The following OCA2 variants were observed in gnomAD, a reference collection of about 807,000 sequenced individuals.
The protein encoded by OCA2 is P protein.
A neutral mutation model predicts 100.2 loss-of-function variants in OCA2; 77 were observed. The ratio of observed to expected loss-of-function variants is 0.77; its 90% confidence interval spans 0.64 to 0.93. The LOEUF is 0.93. Ranked by LOEUF, OCA2 falls within the 40% of genes least tolerant of loss-of-function variation. The pLI, the probability that OCA2 is intolerant of heterozygous loss-of-function variation, is 0.00. For missense variants in OCA2, 1,062 were observed against 1,089.1 expected (o/e 0.98, Z 0.35); for synonymous variants, 432 against 439.2 (o/e 0.98, Z 0.21).
Position 27,989,679 on chromosome 15 carries a change from C to T in OCA2, c.1117-13G>A, listed in dbSNP as rs746528682. ...TCAGGCTGGGTCTCTGCAATCAAAG[C>T]ACAAATTTGCCAATTAATCCGTGCG... On this transcript the variant is annotated splice_polypyrimidine_tract_variant and intron_variant, in intron 10 of 23. Coordinates refer to ENST00000354638, the MANE Select transcript of OCA2 (RefSeq NM_000275.3). The T allele has an allele frequency of 5.6e-6, 9 of 1,613,844 alleles. No individual in the cohort carries two copies. In the South Asian group the frequency reaches 9.9e-5, roughly 18 times the overall value.
intron 23 of OCA2, among the ~76,000 whole-genome samples, chr15:27,784,237 T>A (rs1435159854): frequency 6.6e-6 from 1 of 152,088 alleles, no homozygotes; most frequent in East Asian, 1.9e-4. Flanking sequence ...TTGGTAAAAA[T>A]GCTCAGGCAA....
At chr15:27,901,083 T>C (rs767453982) in intron 19 of OCA2, among the ~76,000 whole-genome samples, 21 of 152,220 alleles carry the variant, frequency 1.4e-4, no homozygotes, top group Non-Finnish European at 2.8e-4. Flanking sequence ...GGAAGAGCAT[T>C]GGGATAGCTA....
chr15:27,719,544 A>G, the OCA2 span, among the ~76,000 whole-genome samples: 1 of 152,188 alleles, frequency 6.6e-6, no homozygotes, highest in Non-Finnish European at 1.5e-5. Flanking sequence ...TCATACACAC[A>G]TATATGCTGC....
chr15:27,901,467 C>A (rs1488692852), intron 19 of OCA2, among the ~76,000 whole-genome samples: 2 of 152,216 alleles, frequency 1.3e-5, no homozygotes, highest in African/African-American at 4.8e-5. Context: ...CTAGAGCTCC[C>A]ATCTCCCCTT....
In OCA2 at chr15:27,792,026, T is replaced by C. The variant is rs79734975; in HGVS notation, c.2433-36554A>G. Among the ~76,000 whole-genome samples, 202 of 152,284 alleles carry C rather than the reference T, an allele frequency of 1.3e-3. 4 individuals carry two copies. The East Asian group carries it at 0.035, about 26-fold the overall frequency. ...GGAGCCCAAGACTGTGTGTCTCCAC[T>C]TCCCATTGCCTCACAGCCTGCGGTG... On this transcript the variant is annotated intron_variant, in intron 23 of 23. Transcript: ENST00000354638.
At position 27,906,271 on chromosome 15, in the gene OCA2, C is replaced by G. The variant is rs371419011; in HGVS notation, c.2079+19856G>C. Reference sequence around the variant, plus strand: ...ATCATTACATATTGTATTATTGTATCAAAATATCACATGTCCCCCATAAAT... The same window carrying G: ...ATCATTACATATTGTATTATTGTATGAAAATATCACATGTCCCCCATAAAT... On this transcript the variant is annotated intron_variant, in intron 19 of 23. Transcript: ENST00000354638. 3.3e-3 allele frequency among the ~76,000 whole-genome samples: 507 copies of G among 152,246 alleles called. 3 individuals are homozygous for G. Among genetic ancestry groups the G allele is most frequent in the African/African-American group, 0.01 (424 of 41,544 alleles).
chr15:27,846,693 T>C (rs1312726200), intron 22 of OCA2, among the ~76,000 whole-genome samples: 6 of 152,114 alleles, frequency 3.9e-5, no homozygotes, highest in African/African-American at 1.4e-4. Context: ...ATCTTTCCAT[T>C]TCCTTTTGTA....
chr15:27,724,715 G>A, the OCA2 span, among the ~76,000 whole-genome samples: 11 of 152,150 alleles, frequency 7.2e-5, no homozygotes, highest in South Asian at 2.3e-3. Flanking sequence ...TACAGTGACT[G>A]CAAGGAAGAG....
the OCA2 span, among the ~76,000 whole-genome samples, chr15:27,734,697 A>C: frequency 0.014 from 2,096 of 152,308 alleles, 51 homozygotes; most frequent in African/African-American, 0.049. Context: ...GCACCATGAC[A>C]GCCATTGCAG....
Position 28,022,387 on chromosome 15 carries a change from G to A in OCA2, c.646+114C>T, listed in dbSNP as rs111475832. On this transcript the variant is annotated intron_variant, in intron 6 of 23. Transcript: ENST00000354638. Reference sequence around the variant, plus strand: ...GACATCCTGGAGAAACAAAATTCGAGTGGTAATGGCCTGTGCCGTGGCCTT... The same window carrying A: ...GACATCCTGGAGAAACAAAATTCGAATGGTAATGGCCTGTGCCGTGGCCTT... 3.9e-6 allele frequency: 3 copies of A among 764,150 alleles called. No individual in the cohort carries two copies. In the South Asian group the frequency reaches 4.3e-5, roughly 11 times the overall value. 47.3% of individuals were successfully genotyped at this position (764,150 alleles called of 1,614,324 possible). A position where few individuals can be genotyped will look rare whatever the true frequency, so the allele number is the denominator to read the frequency against.
chr15:28,045,664 T>G (rs923302917), intron 2 of OCA2, among the ~76,000 whole-genome samples: 4 of 152,322 alleles, frequency 2.6e-5, no homozygotes, highest in Non-Finnish European at 5.9e-5. Context: ...CACTTGCTTA[T>G]GTAACTGCCT....
At position 28,024,922 on chromosome 15, in the gene OCA2, G is replaced by T. The variant is rs763429824; in HGVS notation, c.516-20C>A. 2 of 1,613,552 alleles carry T rather than the reference G, an allele frequency of 1.2e-6. No individual in the cohort carries two copies. Among genetic ancestry groups the T allele is most frequent in the Admixed American group, 3.3e-5 (2 of 59,972 alleles). On this transcript the variant is annotated intron_variant, in intron 4 of 23. Coordinates refer to ENST00000354638, the MANE Select transcript of OCA2 (RefSeq NM_000275.3). ...CAGCGCCTGCAAGAGAAAAAGTAGG[G>T]CCTTAGTGGCAAGGGCAGCAGTCCT...
chr15:28,025,232 G>T (rs1168223445), intron 4 of OCA2, among the ~76,000 whole-genome samples: 2 of 152,108 alleles, frequency 1.3e-5, no homozygotes, highest in East Asian at 1.9e-4. Flanking sequence ...TAAACTGAAT[G>T]CCTTATCTTG....
intron 19 of OCA2, among the ~76,000 whole-genome samples, chr15:27,894,750 G>A (rs2037615517): frequency 6.6e-6 from 1 of 152,152 alleles, no homozygotes; most frequent in Non-Finnish European, 1.5e-5. Flanking sequence ...ATATGGCTGG[G>A]CCTTTCATCC....
chr15:27,792,681 C>G (rs1452512090), intron 23 of OCA2, among the ~76,000 whole-genome samples: 1 of 152,182 alleles, frequency 6.6e-6, no homozygotes, highest in East Asian at 1.9e-4. Context: ...TGTACCTCAA[C>G]CACACCACCT....
chr15:27,841,944 C>T (rs1445882382), intron 23 of OCA2, among the ~76,000 whole-genome samples: 1 of 152,192 alleles, frequency 6.6e-6, no homozygotes, highest in African/African-American at 2.4e-5. Context: ...TTTCTGGATG[C>T]CAGCTTGTCA....
chr15:27,818,651 G>A (rs1006654811), intron 23 of OCA2, among the ~76,000 whole-genome samples: 1 of 152,102 alleles, frequency 6.6e-6, no homozygotes, highest in Admixed American at 6.5e-5. Flanking sequence ...ATGCAGCTGG[G>A]CAAAACTGAA....
intron 2 of OCA2, among the ~76,000 whole-genome samples, chr15:28,078,959 C>T (rs571312828): frequency 1.3e-5 from 2 of 152,258 alleles, no homozygotes; most frequent in Admixed American, 6.5e-5. Flanking sequence ...ACCTGAGCTG[C>T]CTGGGAGCCA....
At chr15:27,982,437 C>G (rs1423672187) in intron 14 of OCA2, among the ~76,000 whole-genome samples, 1 of 152,174 alleles carries the variant, frequency 6.6e-6, no homozygotes, top group Non-Finnish European at 1.5e-5. Context: ...CTGACATGCT[C>G]CAGGGTGGCA....
Sources: gnomAD v4.1 joint callset for allele counts (sites outside exome capture counted in the v4.1 genomes callset) on GRCh38, gnomAD v4.1.1 for gene constraint, MANE v1.5 for transcripts, NCBI Gene and HGNC (gene_info 2026-07-23, HGNC 2026-07-21) for gene names.